Variants in C8orf34 observed in about 807,000 individuals in gnomAD.
C8orf34 encodes the protein uncharacterized protein C8orf34.
A neutral mutation model predicts 68.3 loss-of-function variants in C8orf34; 65 were observed. The ratio of observed to expected loss-of-function variants is 0.95; its 90% confidence interval spans 0.78 to 1.17. The LOEUF is 1.17. Ranked by LOEUF, C8orf34 falls within the 50% of genes most tolerant of loss-of-function variation. The pLI is 0.00. For missense variants in C8orf34, 664 were observed against 655.4 expected (o/e 1.01, Z -0.14); for synonymous variants, 244 against 241.2 (o/e 1.01, Z -0.11).
At chr8:68,769,395 T>C (rs1585855047) in intron 10 of C8orf34, among the ~76,000 whole-genome samples, 1 of 152,110 alleles carries the variant, frequency 6.6e-6, no homozygotes, top group East Asian at 1.9e-4. Context: ...TTTTAGTCTA[T>C]ATTTTATTAT....
chr8:68,740,175 A>C (rs1378876573), intron 10 of C8orf34, among the ~76,000 whole-genome samples: 2 of 152,194 alleles, frequency 1.3e-5, no homozygotes, highest in African/African-American at 4.8e-5. Flanking sequence ...AGGCAATACC[A>C]TTCTCGACAC....
intron 1 of C8orf34, among the ~76,000 whole-genome samples, chr8:68,358,163 G>A (rs1806827991): frequency 6.6e-6 from 1 of 152,058 alleles, no homozygotes; most frequent in African/African-American, 2.4e-5. Flanking sequence ...GGTACATTAT[G>A]AGCTATAATC....
chr8:68,479,285 A>G (rs1307606383), intron 4 of C8orf34, among the ~76,000 whole-genome samples: 1 of 152,018 alleles, frequency 6.6e-6, no homozygotes, highest in East Asian at 1.9e-4. Context: ...AAAAGTTATG[A>G]TGGAAGAGAA....
At chr8:68,769,984 G>A (rs1002449979) in intron 10 of C8orf34, among the ~76,000 whole-genome samples, 8 of 152,102 alleles carry the variant, frequency 5.3e-5, no homozygotes, top group Admixed American at 6.6e-5. Context: ...AGACAAGGTA[G>A]AAGTACAAGG....
intron 7 of C8orf34, among the ~76,000 whole-genome samples, chr8:68,593,968 C>T (rs1191370862): frequency 2.0e-5 from 3 of 152,010 alleles, no homozygotes; most frequent in African/African-American, 7.2e-5. Flanking sequence ...ATTTAAATTT[C>T]CCCAAATGTT....
Position 68,774,327 on chromosome 8 carries a change from G to GTA in C8orf34, c.1405-2071_1405-2070insAT, listed in dbSNP as rs1332535200. On this transcript the variant is annotated intron_variant, in intron 10 of 13. Coordinates refer to ENST00000518698, the MANE Select transcript of C8orf34 (RefSeq NM_052958.4). Reference sequence around the variant, plus strand: ...TATCTATGTATAAAAATATGGGTGTGTGTGTATATATATATATATATAAAA... The same window carrying GTA: ...TATCTATGTATAAAAATATGGGTGTGTATGTGTATATATATATATATATAAAA... 3.1e-4 allele frequency among the ~76,000 whole-genome samples: 30 copies of GTA among 96,050 alleles called. 1 individual carries two copies. Among genetic ancestry groups the GTA allele is most frequent in the African/African-American group, 1.0e-3 (22 of 21,520 alleles). 63.0% of individuals were successfully genotyped at this position (96,050 alleles called of 152,430 possible).
intron 1 of C8orf34, among the ~76,000 whole-genome samples, chr8:68,342,463 A>G (rs1161277961): frequency 1.3e-5 from 2 of 152,226 alleles, no homozygotes; most frequent in Non-Finnish European, 2.9e-5. Flanking sequence ...AGATCTATTT[A>G]TAGAATACAG....
chr8:68,506,271 A>T (rs562843481), intron 5 of C8orf34, among the ~76,000 whole-genome samples: 2 of 152,326 alleles, frequency 1.3e-5, no homozygotes, highest in South Asian at 4.1e-4. Flanking sequence ...TACTCCCACC[A>T]ACAGTTCATA....
At chr8:68,342,368 T>C (rs945023854) in intron 1 of C8orf34, among the ~76,000 whole-genome samples, 1 of 152,180 alleles carries the variant, frequency 6.6e-6, no homozygotes, top group Non-Finnish European at 1.5e-5. Context: ...ACTTTTGCTC[T>C]GTGAAAGACT....
chr8:68,331,034 G>C lies in C8orf34; in HGVS notation c.22G>C (p.Glu8Gln). The change falls in exon 1 of 14, where the codon GAG (glutamate) becomes CAG (glutamine). Residue 8 changes from glutamate (E) to glutamine (Q), a missense_variant. Coordinates refer to ENST00000518698, the MANE Select transcript of C8orf34 (RefSeq NM_052958.4). ...ATGAATGAGTTCTCCCCTCGCCTCGGAGTTGTCTGAGTTGGCGGCGCTGCG... is the reference window on the plus strand; with the variant it reads ...ATGAATGAGTTCTCCCCTCGCCTCGCAGTTGTCTGAGTTGGCGGCGCTGCG... MSSPLAS[E>Q]LSELAALRPG... is the part of the protein sequence containing the mutation. 1 of 1,466,066 alleles carries C rather than the reference G, an allele frequency of 6.8e-7. No homozygotes were observed. Among genetic ancestry groups the C allele is most frequent in the South Asian group, 1.3e-5 (1 of 74,806 alleles). The allele number at this position is 1,466,066 out of a possible 1,614,324, so 90.8% of individuals were successfully genotyped here.
chr8:68,398,755 A>C (rs927253795), intron 1 of C8orf34, among the ~76,000 whole-genome samples: 3 of 152,180 alleles, frequency 2.0e-5, no homozygotes, highest in African/African-American at 7.2e-5. Context: ...AAAAGTTTCA[A>C]GTACTCTTGA....
intron 12 of C8orf34, among the ~76,000 whole-genome samples, chr8:68,793,318 G>A (rs1325604389): frequency 6.6e-6 from 1 of 152,122 alleles, no homozygotes; most frequent in African/African-American, 2.4e-5. Context: ...AGAAACTACT[G>A]TGTATGAGTG....
At chr8:68,379,779 G>A (rs1018589327) in intron 1 of C8orf34, among the ~76,000 whole-genome samples, 3 of 152,144 alleles carry the variant, frequency 2.0e-5, no homozygotes, top group Non-Finnish European at 2.9e-5. Context: ...TCATTGTCTC[G>A]GATAAAGATG....
chr8:68,549,285 C>T (rs563058630), intron 7 of C8orf34, among the ~76,000 whole-genome samples: 1 of 151,876 alleles, frequency 6.6e-6, no homozygotes, highest in South Asian at 2.1e-4. Context: ...TATTTTGTCA[C>T]CTTTAGCTAA....
At chr8:68,622,290 T>C (rs1439546997) in intron 7 of C8orf34, among the ~76,000 whole-genome samples, 4 of 152,178 alleles carry the variant, frequency 2.6e-5, no homozygotes, top group African/African-American at 9.7e-5. Flanking sequence ...TTGACAGCAT[T>C]CTTCAGTTAA....
intron 7 of C8orf34, among the ~76,000 whole-genome samples, chr8:68,612,799 G>A (rs1041685608): frequency 6.6e-6 from 1 of 152,000 alleles, no homozygotes; most frequent in African/African-American, 2.4e-5. Flanking sequence ...TTTTCTCTAT[G>A]TGTGTCTGAA....
intron 2 of C8orf34, among the ~76,000 whole-genome samples, chr8:68,440,142 A>T (rs955350723): frequency 3.3e-5 from 5 of 152,204 alleles, no homozygotes; most frequent in African/African-American, 1.2e-4. Flanking sequence ...TTTCGAGTGT[A>T]TCATAGCCTC....
intron 12 of C8orf34, chr8:68,790,860 T>C (rs968312622): frequency 1.6e-5 from 11 of 701,810 alleles, no homozygotes; most frequent in Admixed American, 4.0e-5. Context: ...GAATTCTGCA[T>C]TTTTCATACT....
At chr8:68,659,149 T>C (rs897256989) in intron 8 of C8orf34, among the ~76,000 whole-genome samples, 4 of 152,132 alleles carry the variant, frequency 2.6e-5, no homozygotes, top group African/African-American at 9.7e-5. Flanking sequence ...AGATTTTATA[T>C]TGGAGACCTG....
Sources: allele counts gnomAD v4.1 joint callset (sites outside exome capture counted in the v4.1 genomes callset), GRCh38; gene constraint gnomAD v4.1.1; transcripts MANE v1.5; gene names NCBI Gene and HGNC (gene_info 2026-07-23, HGNC 2026-07-21).